The following PRKG1 variants were observed in gnomAD, a reference collection of about 807,000 sequenced individuals.
PRKG1 encodes the protein protein kinase cGMP-dependent 1.
In PRKG1, 35 loss-of-function variants were observed where a neutral mutation model predicts 88.1. The ratio of observed to expected loss-of-function variants is 0.40; its 90% CI spans 0.30 to 0.53. The LOEUF (loss-of-function observed/expected upper bound fraction) is 0.53, where lower values mean the gene tolerates loss of function less well. Ranked by LOEUF, PRKG1 falls within the 20% of genes least tolerant of loss-of-function variation. The pLI, the probability that PRKG1 is intolerant of heterozygous loss-of-function variation, is 0.59. For missense variants in PRKG1, 540 were observed against 839.8 expected (o/e 0.64, Z 4.41); for synonymous variants, 303 against 292.5 (o/e 1.04, Z -0.37).
At chr10:52,083,377 A>T (rs973529830) in intron 7 of PRKG1, among the ~76,000 whole-genome samples, 4 of 152,052 alleles carry the variant, frequency 2.6e-5, no homozygotes, top group Non-Finnish European at 4.4e-5. Context: ...TTCAGCCCTA[A>T]TTGCCCTGGA....
chr10:51,522,404 T>C (rs1260098785), intron 3 of PRKG1, among the ~76,000 whole-genome samples: 1 of 152,224 alleles, frequency 6.6e-6, no homozygotes, highest in Non-Finnish European at 1.5e-5. Flanking sequence ...TTGAAGACGT[T>C]GCTTGGTAAT....
chr10:52,250,361 G>A (rs1223715929), intron 9 of PRKG1, among the ~76,000 whole-genome samples: 1 of 152,186 alleles, frequency 6.6e-6, no homozygotes, highest in Non-Finnish European at 1.5e-5. Flanking sequence ...AAATGTGATT[G>A]TAAATTGAAG....
At chr10:51,152,241 C>T (rs1267864298) in intron 1 of PRKG1, among the ~76,000 whole-genome samples, 1 of 152,024 alleles carries the variant, frequency 6.6e-6, no homozygotes, top group East Asian at 1.9e-4. Flanking sequence ...ATTCCAATTA[C>T]AAAATTTATG....
chr10:51,620,238 G>A (rs1343368692), intron 3 of PRKG1, among the ~76,000 whole-genome samples: 2 of 152,104 alleles, frequency 1.3e-5, no homozygotes, highest in African/African-American at 4.8e-5. Context: ...ATTGTAGAAA[G>A]TCTTGAAAAA....
intron 2 of PRKG1, among the ~76,000 whole-genome samples, chr10:51,193,780 A>T (rs1837691000): frequency 6.6e-6 from 1 of 152,098 alleles, no homozygotes; most frequent in African/African-American, 2.4e-5. Flanking sequence ...ATGTGTAGTA[A>T]CTTTACTCTG....
chr10:52,062,700 C>T (rs2133269613), intron 7 of PRKG1, 69 bp downstream of exon 7: 1 of 1,182,728 alleles, frequency 8.5e-7, no homozygotes, highest in Non-Finnish European at 1.2e-6. Context: ...AAATTTTGAG[C>T]TCCTAGCACA....
chr10:51,048,563 C>T (rs1357190695), intron 1 of PRKG1, among the ~76,000 whole-genome samples: 2 of 152,130 alleles, frequency 1.3e-5, no homozygotes, highest in Non-Finnish European at 2.9e-5. Context: ...TGCAACTACA[C>T]CCACTTCCCA....
intron 7 of PRKG1, among the ~76,000 whole-genome samples, chr10:52,112,554 CTT>C (rs1362080556): frequency 1.3e-5 from 2 of 152,114 alleles, no homozygotes; most frequent in Non-Finnish European, 2.9e-5. Context: ...ACATAGGATT[CTT>C]TCTCTCATCT....
chr10:51,542,998 T>G (rs1386193810), intron 3 of PRKG1, among the ~76,000 whole-genome samples: 2 of 151,988 alleles, frequency 1.3e-5, no homozygotes, highest in African/African-American at 2.4e-5. Flanking sequence ...TAAACAGGAG[T>G]GGCGCACCTG....
intron 2 of PRKG1, among the ~76,000 whole-genome samples, chr10:51,447,694 C>T (rs1349924901): frequency 1.3e-5 from 2 of 151,946 alleles, no homozygotes; most frequent in Non-Finnish European, 2.9e-5. Context: ...ACCACCATTT[C>T]CATAACTAGA....
intron 2 of PRKG1, among the ~76,000 whole-genome samples, chr10:51,172,648 GTATCTATCTATCTATCTATCTATCTATC>G (rs151084687): frequency 0.013 from 544 of 41,022 alleles, 1 homozygote; most frequent in Admixed American, 0.048. Context: ...ATGTATGTAT[GTATCTATCTATCTATCTATCTATCTATC>G]TATCTATCTA....
intron 16 of PRKG1, among the ~76,000 whole-genome samples, chr10:52,289,434 A>G (rs1842191611): frequency 6.6e-6 from 1 of 152,170 alleles, no homozygotes; most frequent in South Asian, 2.1e-4. Context: ...TTTTTTAAAC[A>G]ATAGCAACAT....
chr10:52,047,775 T>C (rs1482331051), intron 5 of PRKG1, among the ~76,000 whole-genome samples: 1 of 152,152 alleles, frequency 6.6e-6, no homozygotes, highest in Non-Finnish European at 1.5e-5. Context: ...AAGAATTTCC[T>C]TTGAGGAACT....
chr10:51,548,322 A>T (rs1023796904), intron 3 of PRKG1, among the ~76,000 whole-genome samples: 1 of 152,126 alleles, frequency 6.6e-6, no homozygotes, highest in African/African-American at 2.4e-5. Flanking sequence ...AAAAAACATA[A>T]GTTGGATTCA....
chr10:51,311,270 TTTGA>T (rs1355224975), intron 2 of PRKG1, among the ~76,000 whole-genome samples: 3 of 152,202 alleles, frequency 2.0e-5, no homozygotes, highest in African/African-American at 7.2e-5. Context: ...TATGTGCAAG[TTTGA>T]TTGTCTGTGC....
In PRKG1 at chr10:52,288,644, A is replaced by G. The variant is rs183384369; in HGVS notation, c.1710-82A>G. 1.4e-5 allele frequency: 20 copies of G among 1,384,014 alleles called. No homozygotes were observed. The East Asian group carries it at 4.3e-4, about 30-fold the overall frequency. 85.7% of individuals were successfully genotyped at this position (1,384,014 alleles called of 1,614,324 possible). ...AAGCCCCCAAATATGAATTGATGTCATCTGTGGAGTTTATAGCAATTCAAG... is the reference window on the plus strand; with the variant it reads ...AAGCCCCCAAATATGAATTGATGTCGTCTGTGGAGTTTATAGCAATTCAAG... On this transcript the variant is annotated intron_variant, in intron 14 of 17. Coordinates refer to ENST00000373980, the MANE Select transcript of PRKG1 (RefSeq NM_006258.4).
chr10:51,020,662 T>C (rs1395247142), intron 1 of PRKG1, among the ~76,000 whole-genome samples: 1 of 152,196 alleles, frequency 6.6e-6, no homozygotes, highest in African/African-American at 2.4e-5. Flanking sequence ...TGAACAGTTT[T>C]CTCATAGATT....
chr10:52,162,264 C>T (rs1838296600), intron 9 of PRKG1, among the ~76,000 whole-genome samples: 1 of 151,970 alleles, frequency 6.6e-6, no homozygotes, highest in Non-Finnish European at 1.5e-5. Context: ...CCAGAAAATA[C>T]TTTCTGAACA....
At chr10:51,152,037 G>A (rs1190276952) in intron 1 of PRKG1, among the ~76,000 whole-genome samples, 2 of 152,116 alleles carry the variant, frequency 1.3e-5, no homozygotes, top group East Asian at 1.9e-4. Flanking sequence ...GGATTGCTAA[G>A]TTCTTTGCTT....
Sources: allele counts gnomAD v4.1 joint callset (sites outside exome capture counted in the v4.1 genomes callset), GRCh38; gene constraint gnomAD v4.1.1; transcripts MANE v1.5; gene names NCBI Gene and HGNC (gene_info 2026-07-23, HGNC 2026-07-21).